Variants in TRDN observed in about 807,000 individuals in gnomAD.
The protein encoded by TRDN is triadin, also known as triadin in skeletal muscle.
TRDN carries 161 observed loss-of-function variants against 149.7 expected under a neutral mutation model. The ratio of observed to expected loss-of-function variants is 1.08; its 90% CI spans 0.95 to 1.23. The LOEUF is 1.23. Among genes scored for constraint, TRDN ranks in the 50% most tolerant of loss-of-function variants. The pLI, the probability that TRDN is intolerant of heterozygous loss-of-function variation, is 0.00. For synonymous variants in TRDN, 294 were observed against 250.5 expected (o/e 1.17, Z -1.64); for missense variants, 896 against 823.5 (o/e 1.09, Z -1.08).
At chr6:123,604,410 G>A (rs956690650) in intron 1 of TRDN, among the ~76,000 whole-genome samples, 2 of 152,244 alleles carry the variant, frequency 1.3e-5, no homozygotes, top group Admixed American at 1.3e-4. Flanking sequence ...AAAGAGATAG[G>A]TAGGCAGAAA....
chr6:123,398,295 G>A (rs1232706799), intron 12 of TRDN, among the ~76,000 whole-genome samples: 2 of 152,270 alleles, frequency 1.3e-5, no homozygotes, highest in Non-Finnish European at 2.9e-5. Context: ...GTGAGCCACC[G>A]TGCCTGGCCG....
At chr6:123,237,239 C>T (rs886631600) in intron 38 of TRDN, among the ~76,000 whole-genome samples, 20 of 151,868 alleles carry the variant, frequency 1.3e-4, no homozygotes, top group Admixed American at 6.6e-4. Context: ...TCTGTATTAA[C>T]TTTATACCCT....
chr6:123,549,230 A>G (rs1781267478), intron 2 of TRDN, among the ~76,000 whole-genome samples: 1 of 152,226 alleles, frequency 6.6e-6, no homozygotes, highest in Non-Finnish European at 1.5e-5. Flanking sequence ...GATAGAATCT[A>G]TAAGTCTTCC....
chr6:123,435,897 C>T (rs1042435641), intron 12 of TRDN, among the ~76,000 whole-genome samples: 10 of 152,110 alleles, frequency 6.6e-5, no homozygotes, highest in African/African-American at 1.9e-4. Context: ...ACAGGTCTCC[C>T]AGTGGCAGGG....
In TRDN at chr6:123,416,698, C is replaced by CTTTT. The variant is rs139842688; in HGVS notation, c.1051+21361_1051+21364dup. On this transcript the variant is annotated intron_variant, in intron 12 of 40. Transcript: ENST00000334268. ...TCCTTGTCACCATTATTCTTTTCCT[C>CTTTT]TTTTTTTCTTTTTTTTTAGTTGACA... Among the ~76,000 whole-genome samples, 664 of 146,290 alleles carry CTTTT rather than the reference C, an allele frequency of 4.5e-3. 10 individuals carry two copies. Among genetic ancestry groups the CTTTT allele is most frequent in the African/African-American group, 9.7e-3 (385 of 39,708 alleles).
At chr6:123,309,667 A>G (rs180939221) in intron 24 of TRDN, among the ~76,000 whole-genome samples, 1 of 152,030 alleles carries the variant, frequency 6.6e-6, no homozygotes, top group East Asian at 1.9e-4. Flanking sequence ...AGGTTCACCT[A>G]TACATAGTTT....
At chr6:123,432,332 T>C (rs940162995) in intron 12 of TRDN, among the ~76,000 whole-genome samples, 1 of 152,110 alleles carries the variant, frequency 6.6e-6, no homozygotes, top group Non-Finnish European at 1.5e-5. Context: ...TTGTATATCT[T>C]ACAAATGCAT....
At chr6:123,400,418 A>C (rs1217410453) in intron 12 of TRDN, among the ~76,000 whole-genome samples, 1 of 151,878 alleles carries the variant, frequency 6.6e-6, no homozygotes, top group African/African-American at 2.4e-5. Flanking sequence ...TTTGAGATGA[A>C]ACTGTTTCAC....
At chr6:123,398,931 T>A (rs1378142000) in intron 12 of TRDN, among the ~76,000 whole-genome samples, 3 of 152,190 alleles carry the variant, frequency 2.0e-5, no homozygotes, top group Admixed American at 1.3e-4. Flanking sequence ...ATAGTTAACA[T>A]AATTTTGCTA....
At chr6:123,521,303 T>A (rs1198866143) in intron 5 of TRDN, among the ~76,000 whole-genome samples, 11 of 152,058 alleles carry the variant, frequency 7.2e-5, no homozygotes, top group Non-Finnish European at 5.9e-5. Flanking sequence ...ACAGAGACAA[T>A]CCAAGTTTAA....
At chr6:123,406,712 C>T (rs1193334779) in intron 12 of TRDN, among the ~76,000 whole-genome samples, 1 of 151,944 alleles carries the variant, frequency 6.6e-6, no homozygotes, top group Non-Finnish European at 1.5e-5. Context: ...AAAATAACAA[C>T]AATGGCAATT....
chr6:123,361,920 C>T (rs751245671), intron 20 of TRDN, among the ~76,000 whole-genome samples: 1 of 152,172 alleles, frequency 6.6e-6, no homozygotes, highest in Non-Finnish European at 1.5e-5. Flanking sequence ...TATACATCTC[C>T]AGCCTATCAT....
At position 123,382,149 on chromosome 6, in the gene TRDN, T is replaced by C. The variant is rs987454373; in HGVS notation, c.1136-2A>G. 4 of 1,500,988 alleles carry C rather than the reference T, an allele frequency of 2.7e-6. No homozygotes were observed. The highest frequency in any genetic ancestry group is 3.6e-6 in the Non-Finnish European group (4 of 1,123,054). 93.0% of individuals were successfully genotyped at this position (1,500,988 alleles called of 1,614,324 possible). On this transcript the variant is annotated splice_acceptor_variant, in intron 14 of 40. Transcript: ENST00000334268. LOFTEE classifies it high-confidence loss of function. Reference sequence around the variant, plus strand: ...CAGGTTTTTTTGTTTTCTTGGAATCTGAAAACACAAAGATAAATTATTAAT... The same window carrying C: ...CAGGTTTTTTTGTTTTCTTGGAATCCGAAAACACAAAGATAAATTATTAAT...
At chr6:123,551,020 G>A (rs1562381857) in intron 2 of TRDN, among the ~76,000 whole-genome samples, 2 of 151,748 alleles carry the variant, frequency 1.3e-5, no homozygotes, top group South Asian at 2.1e-4. Flanking sequence ...ATTTTTAGCA[G>A]TGGTATATTT....
chr6:123,567,509 G>A (rs1054542041), intron 2 of TRDN, among the ~76,000 whole-genome samples: 3 of 152,104 alleles, frequency 2.0e-5, no homozygotes, highest in Non-Finnish European at 4.4e-5. Context: ...ACAGAAGCAT[G>A]GTGCTGGCAT....
chr6:123,454,147 C>T (rs1486247904), intron 10 of TRDN, among the ~76,000 whole-genome samples: 2 of 151,390 alleles, frequency 1.3e-5, no homozygotes, highest in South Asian at 2.1e-4. Flanking sequence ...GGGAGGGGGA[C>T]GAGGGACAAA....
intron 10 of TRDN, chr6:123,464,318 G>A (rs781593514): frequency 2.0e-5 from 20 of 983,354 alleles, no homozygotes; most frequent in Non-Finnish European, 2.4e-5. Flanking sequence ...ATTATTAGTA[G>A]TATTAACCAC....
At chr6:123,329,354 T>C (rs1779581525) in intron 23 of TRDN, among the ~76,000 whole-genome samples, 1 of 152,162 alleles carries the variant, frequency 6.6e-6, no homozygotes, top group Non-Finnish European at 1.5e-5. Context: ...TGATGCTCCT[T>C]TAATGAAACC....
At chr6:123,310,925 T>G (rs556200767) in intron 24 of TRDN, among the ~76,000 whole-genome samples, 3 of 151,954 alleles carry the variant, frequency 2.0e-5, no homozygotes, top group African/African-American at 4.8e-5. Flanking sequence ...GCAAATGCAA[T>G]TGGGTTTATG....
Sources: gnomAD v4.1 joint callset for allele counts (sites outside exome capture counted in the v4.1 genomes callset) on GRCh38, gnomAD v4.1.1 for gene constraint, MANE v1.5 for transcripts, NCBI Gene and HGNC (gene_info 2026-07-23, HGNC 2026-07-21) for gene names.